PCYT1B: variants seen among roughly 807,000 people sequenced by gnomAD.
PCYT1B encodes choline-phosphate cytidylyltransferase B.
In PCYT1B, 10 loss-of-function variants were observed where a neutral mutation model predicts 26.4. The observed-to-expected ratio is 0.38, with a 90% CI of 0.23 to 0.64. The LOEUF (loss-of-function observed/expected upper bound fraction) is 0.64, where lower values mean the gene tolerates loss of function less well. Ranked by LOEUF, PCYT1B falls within the 30% of genes least tolerant of loss-of-function variation. PCYT1B has a pLI of 0.56. For synonymous variants in PCYT1B, 131 were observed against 108.4 expected, an observed-to-expected ratio of 1.21 and a Z score of -1.29; for missense variants, 161 against 292.7, an observed-to-expected ratio of 0.55 and a Z score of 3.28.
Position 24,624,118 on chromosome X carries a change from C to T in PCYT1B, c.118-5034G>A, listed in dbSNP as rs187477369. Among the ~76,000 whole-genome samples the T allele has an allele frequency of 5.5e-3, 608 of 109,698 alleles. 1 individual carries two copies. Among genetic ancestry groups the T allele is most frequent in the African/African-American group, 0.018 (557 of 30,148 alleles). ...CCAAGTAGCTGGGACTACAGGAGCC[C>T]GCCACCACACCCGGCTAATTTTTTG... On this transcript the variant is annotated intron_variant, in intron 1 of 7. Transcript: ENST00000379144.
chrX:24,641,906 A>G (rs1048759622), intron 1 of PCYT1B, among the ~76,000 whole-genome samples: 3 of 112,211 alleles, frequency 2.7e-5, no homozygotes, highest in South Asian at 3.7e-4. Context: ...CCACTCAAAA[A>G]TGGATTGATC....
intron 1 of PCYT1B, among the ~76,000 whole-genome samples, chrX:24,640,869 C>T (rs1328901988): frequency 9.0e-6 from 1 of 111,623 alleles, no homozygotes; most frequent in Non-Finnish European, 1.9e-5. Flanking sequence ...ACTCTACTTC[C>T]CTGGCACACC....
At chrX:24,577,119 C>T (rs1362115793) in intron 6 of PCYT1B, among the ~76,000 whole-genome samples, 2 of 111,236 alleles carry the variant, frequency 1.8e-5, no homozygotes, top group Non-Finnish European at 3.8e-5. Flanking sequence ...AGGACCTTGG[C>T]CAGGCTCCCT....
chrX:24,648,449 A>ATT (rs57744798), upstream of PCYT1B, among the ~76,000 whole-genome samples: 480 of 39,704 alleles, frequency 0.012, 86 homozygotes, highest in African/African-American at 0.02. Context: ...ATTTGAAGGA[A>ATT]TTTTTTTTTT....
chrX:24,616,596 T>C (rs1486707667), intron 2 of PCYT1B, among the ~76,000 whole-genome samples: 2 of 112,132 alleles, frequency 1.8e-5, no homozygotes, highest in Non-Finnish European at 3.8e-5. Flanking sequence ...GGTATTTCTG[T>C]GTGTGGTCTC....
At chrX:24,671,178 C>T (rs1927247342) in intron 1 of PCYT1B, among the ~76,000 whole-genome samples, 3 of 110,843 alleles carry the variant, frequency 2.7e-5, no homozygotes, top group Non-Finnish European at 5.7e-5. Context: ...CCATGTTGGC[C>T]AGTCTGGTTT....
At chrX:24,576,613 G>A (rs1051827347) in intron 6 of PCYT1B, among the ~76,000 whole-genome samples, 4 of 111,648 alleles carry the variant, frequency 3.6e-5, no homozygotes, top group East Asian at 2.8e-4. Flanking sequence ...CCTGTGTTTC[G>A]GAAGTTTTTG....
At chrX:24,667,890 A>G (rs958993905) in intron 1 of PCYT1B, among the ~76,000 whole-genome samples, 2 of 111,831 alleles carry the variant, frequency 1.8e-5, no homozygotes, top group African/African-American at 6.5e-5. Flanking sequence ...TTCTTTCCTC[A>G]CTATGGCTAA....
At chrX:24,669,732 A>G (rs1285203494) in intron 1 of PCYT1B, among the ~76,000 whole-genome samples, 1 of 109,210 alleles carries the variant, frequency 9.2e-6, no homozygotes, top group Non-Finnish European at 1.9e-5. Context: ...GTGAGCTTCA[A>G]TTTTCTCACT....
intron 1 of PCYT1B, among the ~76,000 whole-genome samples, chrX:24,633,657 G>C (rs764009492): frequency 1.8e-5 from 2 of 112,253 alleles, no homozygotes; most frequent in African/African-American, 6.5e-5. Flanking sequence ...CTGGGCAACA[G>C]AGCGAGACTC....
At position 24,607,990 on chromosome X, in the gene PCYT1B, G is replaced by A. The variant is rs41305197; in HGVS notation, c.218-129C>T. 4.7e-3 allele frequency: 1,995 copies of A among 428,236 alleles called. 5 individuals are homozygous for A. Among genetic ancestry groups the A allele is most frequent in the Non-Finnish European group, 6.4e-3 (1,551 of 243,736 alleles). The allele number at this position is 428,236 out of a possible 1,213,427, so 35.3% of individuals were successfully genotyped here. A position where few individuals can be genotyped will look rare whatever the true frequency, so the allele number is the denominator to read the frequency against. On this transcript the variant is annotated intron_variant, in intron 2 of 7. Transcript: ENST00000379144. ...TACCATCAGTTTCATATCAGTGCAC[G>A]AAATTGATTTTAAAGGGGTTCTTCT...
chrX:24,616,759 G>T (rs1925512313), intron 2 of PCYT1B, among the ~76,000 whole-genome samples: 2 of 111,849 alleles, frequency 1.8e-5, no homozygotes, highest in South Asian at 7.5e-4. Flanking sequence ...TAAAGCCTGG[G>T]AACAACAGCT....
At chrX:24,610,398 T>A (rs368885754) in intron 2 of PCYT1B, among the ~76,000 whole-genome samples, 15 of 111,944 alleles carry the variant, frequency 1.3e-4, no homozygotes, top group African/African-American at 4.9e-4. Context: ...ATTGCCTTCA[T>A]AGGATTATAC....
In PCYT1B at chrX:24,576,050, T is replaced by C. The variant is rs1488485970; in HGVS notation, c.709-732A>G. Reference sequence around the variant, plus strand: ...GTAAATTGGGGATAATAATCATCCCTACCTTAGGGTTGCTGTGACAATGCA... The same window carrying C: ...GTAAATTGGGGATAATAATCATCCCCACCTTAGGGTTGCTGTGACAATGCA... On this transcript the variant is annotated intron_variant, in intron 6 of 7. Coordinates refer to ENST00000379144, the MANE Select transcript of PCYT1B (RefSeq NM_004845.5). Among the ~76,000 whole-genome samples, 4 of 112,462 alleles carry C rather than the reference T, an allele frequency of 3.6e-5. No individual in the cohort carries two copies. In the South Asian group the frequency reaches 1.5e-3, roughly 41 times the overall value.
chrX:24,563,910 G>A (rs888496622), intron 7 of PCYT1B, among the ~76,000 whole-genome samples: 3 of 111,638 alleles, frequency 2.7e-5, no homozygotes, highest in African/African-American at 9.8e-5. Flanking sequence ...GGCCAGGCGC[G>A]GTGGCTTATG....
intron 2 of PCYT1B, among the ~76,000 whole-genome samples, chrX:24,613,321 ATATT>A (rs963726025): frequency 6.2e-5 from 7 of 112,314 alleles, no homozygotes; most frequent in African/African-American, 2.3e-4. Flanking sequence ...TTATAGTTAC[ATATT>A]TATTTTATAT....
chrX:24,602,244 A>T (rs566230075), intron 3 of PCYT1B, among the ~76,000 whole-genome samples: 7 of 111,749 alleles, frequency 6.3e-5, no homozygotes, highest in African/African-American at 2.3e-4. Flanking sequence ...AGCCAATCTG[A>T]AAAAGCTACA....
At chrX:24,655,868 C>T (rs561015150) in intron 1 of PCYT1B, among the ~76,000 whole-genome samples, 5 of 106,407 alleles carry the variant, frequency 4.7e-5, no homozygotes, top group African/African-American at 1.7e-4. Context: ...CCTATAAAGG[C>T]CATTAGGGGG....
intron 1 of PCYT1B, among the ~76,000 whole-genome samples, chrX:24,636,577 C>A (rs1331394818): frequency 8.9e-6 from 1 of 112,299 alleles, no homozygotes; most frequent in East Asian, 2.8e-4. Flanking sequence ...TGCACGATTG[C>A]ACTCCAGCCT....
Sources: gnomAD v4.1 joint callset for allele counts (sites outside exome capture counted in the v4.1 genomes callset) on GRCh38, gnomAD v4.1.1 for gene constraint, MANE v1.5 for transcripts, NCBI Gene and HGNC (gene_info 2026-07-23, HGNC 2026-07-21) for gene names.